Variants in EEPD1 observed in about 807,000 individuals in gnomAD.
EEPD1 encodes the protein endonuclease/exonuclease/phosphatase family domain containing 1.
In EEPD1, 17 loss-of-function variants were observed where a neutral mutation model predicts 46.3. That is an observed-to-expected ratio of 0.37 (90% CI 0.25 to 0.55). The LOEUF is 0.55. Ranked by LOEUF, EEPD1 falls within the 20% of genes least tolerant of loss-of-function variation. The pLI, the probability that EEPD1 is intolerant of heterozygous loss-of-function variation, is 0.83. For missense variants in EEPD1, 673 were observed against 745.6 expected, an observed-to-expected ratio of 0.90 and a Z score of 1.13; for synonymous variants, 313 against 315.6, an observed-to-expected ratio of 0.99 and a Z score of 0.09.
chr7:36,205,074 C>T (rs569514660), intron 2 of EEPD1, among the ~76,000 whole-genome samples: 7 of 152,238 alleles, frequency 4.6e-5, no homozygotes, highest in Non-Finnish European at 8.8e-5. Context: ...TTCCCACTCC[C>T]CCACTGTCAA....
rs1422654831 is a variant in EEPD1 at position 36,154,331 on chromosome 7, A to G, written c.7A>G (p.Ser3Gly). 6.2e-7 allele frequency: 1 copy of G among 1,607,988 alleles called. No individual in the cohort carries two copies. The change falls in exon 2 of 8, where the codon AGC becomes GGC. Residue 3 changes from serine to glycine, a missense_variant. Physicochemically the swap from Ser to Gly is moderately conservative, Grantham distance 56. Transcript: ENST00000242108. This position sits in a 1 kb window ranked among gnomAD's most constrained non-coding sequence, Gnocchi z 4.2. ...AGCCTGATCCTGGCGGACCATGGGG[A>G]GCACCCTGGGCTGCCACCGCTCCAT... is the stretch of plus-strand genomic sequence containing the variant. Reference protein sequence around the residue: MGSTLGCHRSIPR... With the variant: MGGTLGCHRSIPR...
intron 6 of EEPD1, among the ~76,000 whole-genome samples, chr7:36,293,502 T>A (rs1011111205): frequency 6.6e-6 from 1 of 152,140 alleles, no homozygotes; most frequent in Non-Finnish European, 1.5e-5. Flanking sequence ...AGAGTGGGAC[T>A]CAAGCATTAA....
chr7:36,162,374 G>A (rs1018326067), intron 2 of EEPD1, among the ~76,000 whole-genome samples: 6 of 152,208 alleles, frequency 3.9e-5, no homozygotes, highest in Non-Finnish European at 5.9e-5. Flanking sequence ...GGCTGGGCAC[G>A]GTGGCTCACA....
chr7:36,218,883 G>A (rs1393470831), intron 2 of EEPD1, among the ~76,000 whole-genome samples: 3 of 152,124 alleles, frequency 2.0e-5, no homozygotes, highest in Non-Finnish European at 2.9e-5. Flanking sequence ...GAAGGAGAAT[G>A]GCGATTTTGT....
intron 2 of EEPD1, among the ~76,000 whole-genome samples, chr7:36,189,280 T>C (rs996281650): frequency 4.6e-5 from 7 of 152,116 alleles, no homozygotes; most frequent in African/African-American, 1.7e-4. Context: ...TCGAGAGGAG[T>C]GTTGATCTGA....
At chr7:36,250,865 G>A (rs555350271) in intron 3 of EEPD1, among the ~76,000 whole-genome samples, 16 of 152,290 alleles carry the variant, frequency 1.1e-4, no homozygotes, top group African/African-American at 3.6e-4. Context: ...CTTGACACTA[G>A]TGGAGGTAGG....
intron 3 of EEPD1, among the ~76,000 whole-genome samples, chr7:36,262,140 G>C (rs1393268498): frequency 6.6e-6 from 1 of 152,178 alleles, no homozygotes; most frequent in Non-Finnish European, 1.5e-5. Context: ...CCTAAGGCCT[G>C]CCCTACCTAA....
chr7:36,200,097 A>G (rs952008604), intron 2 of EEPD1, among the ~76,000 whole-genome samples: 2 of 50,086 alleles, frequency 4.0e-5, no homozygotes, highest in African/African-American at 7.2e-5. Flanking sequence ...GTAGTACCCA[A>G]TAGTTTTTTT....
chr7:36,231,130 T>C (rs1321102186), intron 2 of EEPD1: 2 of 152,312 alleles, frequency 1.3e-5, no homozygotes, highest in East Asian at 3.9e-4. Flanking sequence ...TCGAGGCTTA[T>C]GTGGTCCGTG....
chr7:36,195,274 G>T (rs1385849491), intron 2 of EEPD1, among the ~76,000 whole-genome samples: 2 of 152,194 alleles, frequency 1.3e-5, no homozygotes, highest in Admixed American at 6.5e-5. Context: ...GAGACATGAG[G>T]CGACTCCTGC....
chr7:36,297,313 A>AT, intron 7 of EEPD1, 126 bp downstream of exon 7: 1 of 1,061,816 alleles, frequency 9.4e-7, no homozygotes, highest in Non-Finnish European at 1.3e-6. Context: ...GTGACTGTAT[A>AT]ACTGTCATTT....
intron 2 of EEPD1, among the ~76,000 whole-genome samples, chr7:36,181,691 G>A (rs547615126): frequency 4.6e-5 from 7 of 152,326 alleles, no homozygotes; most frequent in South Asian, 4.1e-4. Context: ...GTTAGGAACC[G>A]TCTGGATTTT....
chr7:36,275,828 A>C (rs1787174585), intron 3 of EEPD1, among the ~76,000 whole-genome samples: 1 of 152,132 alleles, frequency 6.6e-6, no homozygotes, highest in Admixed American at 6.5e-5. Context: ...AGAAAGAGGG[A>C]GGAGCCAAAG....
At chr7:36,261,211 T>C (rs998696188) in intron 3 of EEPD1, among the ~76,000 whole-genome samples, 3 of 152,172 alleles carry the variant, frequency 2.0e-5, no homozygotes, top group African/African-American at 4.8e-5. Context: ...GGTTCCCATA[T>C]AAAGATTTAT....
chr7:36,159,970 T>A (rs1035525211), intron 2 of EEPD1, among the ~76,000 whole-genome samples: 1 of 152,192 alleles, frequency 6.6e-6, no homozygotes, highest in African/African-American at 2.4e-5. Context: ...ACAGTGTGAA[T>A]GCAGGGAACT....
chr7:36,238,219 G>A (rs919737151), intron 2 of EEPD1, among the ~76,000 whole-genome samples: 1 of 152,100 alleles, frequency 6.6e-6, no homozygotes, highest in African/African-American at 2.4e-5. Context: ...TCACTTTTGT[G>A]GCCATCTTGG....
chr7:36,198,337 G>GAAAAAAAAAAAAA (rs1785646235), intron 2 of EEPD1, among the ~76,000 whole-genome samples: 5 of 21,112 alleles, frequency 2.4e-4, no homozygotes, highest in South Asian at 1.8e-3. Flanking sequence ...AAAAAAAAAA[G>GAAAAAAAAAAAAA]AAAAGAAAAA....
At chr7:36,165,410 C>CCT (rs2115612519) in intron 2 of EEPD1, among the ~76,000 whole-genome samples, 1 of 94,278 alleles carries the variant, frequency 1.1e-5, no homozygotes, top group South Asian at 3.2e-4. Context: ...TGATCCATTT[C>CCT]CTTTTTTTTT....
intron 2 of EEPD1, among the ~76,000 whole-genome samples, chr7:36,179,068 C>A (rs750383140): frequency 3.3e-5 from 5 of 152,194 alleles, no homozygotes; most frequent in Non-Finnish European, 7.3e-5. Flanking sequence ...TATTAATTTG[C>A]AAACCAACTT....
Sources: gnomAD v4.1 joint callset for allele counts (sites outside exome capture counted in the v4.1 genomes callset) on GRCh38, gnomAD v4.1.1 for gene constraint, Gnocchi (gnomAD v3.1) non-coding constraint, MANE v1.5 for transcripts, NCBI Gene and HGNC (gene_info 2026-07-23, HGNC 2026-07-21) for gene names.